EPB41L5: variants seen among roughly 807,000 people sequenced by gnomAD.
EPB41L5 encodes the protein erythrocyte membrane protein band 4.1 like 5.
In EPB41L5, 55 loss-of-function variants were observed where a neutral mutation model predicts 106.6. That is an observed-to-expected ratio of 0.52 (90% CI 0.42 to 0.65). EPB41L5 has a LOEUF of 0.65. Ranked by LOEUF, EPB41L5 falls within the 30% of genes least tolerant of loss-of-function variation. The probability of loss-of-function intolerance (pLI) is 0.00; values close to 1 mark genes in which losing one functional copy is unlikely to be tolerated. For missense variants in EPB41L5, 871 were observed against 882.1 expected (o/e 0.99, Z 0.16); for synonymous variants, 297 against 306.7 (o/e 0.97, Z 0.33).
intron 20 of EPB41L5, among the ~76,000 whole-genome samples, chr2:120,159,182 T>C (rs1173671771): frequency 6.6e-6 from 1 of 150,772 alleles, no homozygotes; most frequent in Non-Finnish European, 1.5e-5. Context: ...CCCAGCACTT[T>C]GGGAGGCCGA....
In EPB41L5 at chr2:120,104,536, A is replaced by G. The variant is rs1006638091; in HGVS notation, c.1337+3722A>G. The G allele has an allele frequency of 8.8e-6, 9 of 1,028,156 alleles. No individual in the cohort carries two copies. In the African/African-American group the frequency reaches 1.4e-4, roughly 15 times the overall value. 63.7% of individuals were successfully genotyped at this position (1,028,156 alleles called of 1,614,324 possible). On this transcript the variant is annotated intron_variant, in intron 16 of 24. Coordinates refer to ENST00000263713, the MANE Select transcript of EPB41L5 (RefSeq NM_020909.4). Reference sequence around the variant, plus strand: ...TTCACACATCACCAGACTGTATCTCAGGAGAAGGTTTGTGTTTGTGAACAA... The same window carrying G: ...TTCACACATCACCAGACTGTATCTCGGGAGAAGGTTTGTGTTTGTGAACAA...
intron 2 of EPB41L5, among the ~76,000 whole-genome samples, chr2:120,034,996 T>C (rs1678952297): frequency 6.6e-6 from 1 of 152,244 alleles, no homozygotes; most frequent in Non-Finnish European, 1.5e-5. Flanking sequence ...AGAACAAATA[T>C]GTTGAAATAT....
chr2:120,096,662 C>T (rs143950017), intron 14 of EPB41L5, among the ~76,000 whole-genome samples: 3,214 of 152,082 alleles, frequency 0.021, 112 homozygotes, highest in African/African-American at 0.073. Context: ...TGGTGGTGCG[C>T]GCCTGTAATC....
intron 2 of EPB41L5, among the ~76,000 whole-genome samples, chr2:120,037,557 C>G (rs1178190430): frequency 6.6e-6 from 1 of 152,070 alleles, no homozygotes; most frequent in African/African-American, 2.4e-5. Context: ...TGGCTCACAC[C>G]TGTAATTCCA....
In EPB41L5 at chr2:120,178,443, T is replaced by C. The variant is rs1687992862; in HGVS notation, c.*3536T>C. ...CTTTGTGAGCTCCCACTGTTGTGGG[T>C]GTCTCAGCTCTGAGGGTCTTTGTGA... On this transcript the variant is annotated 3_prime_UTR_variant, in exon 25 of 25. Transcript: ENST00000263713. The C allele has an allele frequency of 6.6e-6, 1 of 151,762 alleles. No homozygotes were observed. The highest frequency in any genetic ancestry group is 2.1e-4 in the South Asian group (1 of 4,794). 9.4% of individuals were successfully genotyped at this position (151,762 alleles called of 1,614,324 possible).
Position 120,077,333 on chromosome 2 carries a change from G to T in EPB41L5, c.714+17G>T. ...GTGGTCAAGGTAAGCATTGTGTTGT[G>T]ATGCTTTTTTAAAAATTTATTCTTT... On this transcript the variant is annotated intron_variant, in intron 9 of 24. Coordinates refer to ENST00000263713, the MANE Select transcript of EPB41L5 (RefSeq NM_020909.4). 6.3e-7 allele frequency: 1 copy of T among 1,591,432 alleles called. No homozygotes were observed. Among genetic ancestry groups the T allele is most frequent in the Non-Finnish European group, 8.6e-7 (1 of 1,167,846 alleles).
At chr2:120,038,060 A>G (rs1679154511) in intron 2 of EPB41L5, among the ~76,000 whole-genome samples, 1 of 152,250 alleles carries the variant, frequency 6.6e-6, no homozygotes, top group Non-Finnish European at 1.5e-5. Flanking sequence ...TTTGTGTATT[A>G]AAGGACACTG....
chr2:120,027,130 T>C (rs1156632452), intron 2 of EPB41L5, among the ~76,000 whole-genome samples: 1 of 152,228 alleles, frequency 6.6e-6, no homozygotes, highest in Non-Finnish European at 1.5e-5. Context: ...GCGCAGCTGC[T>C]TTGGATAATA....
chr2:120,157,353 A>C (rs1402492861), intron 20 of EPB41L5, among the ~76,000 whole-genome samples: 1 of 152,140 alleles, frequency 6.6e-6, no homozygotes, highest in Non-Finnish European at 1.5e-5. Flanking sequence ...TCTCAATTTA[A>C]CAACCTAATA....
chr2:120,087,069 C>T, intron 10 of EPB41L5, 102 bp from the exon 11 acceptor site: 1 of 644,608 alleles, frequency 1.6e-6, no homozygotes. Flanking sequence ...ATTTTTAGTT[C>T]AGGAGTTAGA....
chr2:120,061,094 G>C (rs1286933240), intron 3 of EPB41L5, among the ~76,000 whole-genome samples: 1 of 139,310 alleles, frequency 7.2e-6, no homozygotes, highest in Non-Finnish European at 1.5e-5. Flanking sequence ...AGGCTGGAGT[G>C]CAGTGGTGTG....
intron 13 of EPB41L5, 57 bp from the exon 14 acceptor site, chr2:120,093,192 C>T (rs1430802207): frequency 5.7e-6 from 8 of 1,412,258 alleles, no homozygotes; most frequent in African/African-American, 1.4e-5. Flanking sequence ...TTGAATAGTG[C>T]AGCAGTTTAT....
intron 2 of EPB41L5, among the ~76,000 whole-genome samples, chr2:120,021,070 A>G (rs776549330): frequency 7.9e-5 from 12 of 152,244 alleles, no homozygotes; most frequent in Non-Finnish European, 1.8e-4. Flanking sequence ...AGCCAGGTGC[A>G]GTGGCTTATG....
rs1043231740 is a variant in EPB41L5, at chr2:120,091,941, TC to T, written c.1150+283del. Among the ~76,000 whole-genome samples the T allele has an allele frequency of 2.7e-4, 41 of 152,146 alleles. 1 individual carries two copies. The highest frequency in any genetic ancestry group is 8.0e-4 in the African/African-American group (33 of 41,430). On this transcript the variant is annotated intron_variant, in intron 13 of 24. Coordinates refer to ENST00000263713, the MANE Select transcript of EPB41L5 (RefSeq NM_020909.4). ...TGTTTCTGTAGAGCAACATATTCTC[TC>T]CCTTTTTGACTTACAGATCTCATTC... is the stretch of plus-strand genomic sequence containing the variant.
At chr2:120,039,972 A>ACTT (rs1679298094) in intron 2 of EPB41L5, among the ~76,000 whole-genome samples, 1 of 152,022 alleles carries the variant, frequency 6.6e-6, no homozygotes, top group Non-Finnish European at 1.5e-5. Context: ...GTGAATTTGA[A>ACTT]CTTGGAAGGT....
At chr2:120,074,324 G>A (rs977084267) in intron 5 of EPB41L5, 146 bp downstream of exon 5, 1 of 597,038 alleles carries the variant, frequency 1.7e-6, no homozygotes, top group African/African-American at 1.9e-5. Context: ...TTTATTCTGG[G>A]ACGTGTTTTT....
intron 2 of EPB41L5, among the ~76,000 whole-genome samples, chr2:120,025,433 C>G (rs1480105572): frequency 6.6e-6 from 1 of 151,976 alleles, no homozygotes; most frequent in African/African-American, 2.4e-5. Context: ...TATTTTGAGC[C>G]TATGTGTGTC....
At chr2:120,037,632 C>A (rs988721047) in intron 2 of EPB41L5, among the ~76,000 whole-genome samples, 2 of 151,614 alleles carry the variant, frequency 1.3e-5, no homozygotes, top group Non-Finnish European at 2.9e-5. Flanking sequence ...GGCTGAGCAA[C>A]ATAGCCAGAC....
intron 2 of EPB41L5, among the ~76,000 whole-genome samples, chr2:120,029,201 G>T (rs1177799417): frequency 1.3e-5 from 2 of 152,084 alleles, no homozygotes; most frequent in Admixed American, 1.3e-4. Flanking sequence ...GTCTCACTCT[G>T]TTGCTCAGGT....
Sources: gnomAD v4.1 joint callset for allele counts (sites outside exome capture counted in the v4.1 genomes callset) on GRCh38, gnomAD v4.1.1 for gene constraint, MANE v1.5 for transcripts, NCBI Gene and HGNC (gene_info 2026-07-23, HGNC 2026-07-21) for gene names.